Variants in TMEM132B observed in about 807,000 individuals in gnomAD.
TMEM132B encodes transmembrane protein 132B.
In TMEM132B, 18 loss-of-function variants were observed where a neutral mutation model predicts 90.8. The ratio of observed to expected loss-of-function variants is 0.20; its 90% CI spans 0.14 to 0.29. TMEM132B has a LOEUF of 0.29. Among genes scored for constraint, TMEM132B ranks in the 10% least tolerant of loss-of-function variants. The pLI is 1.00. For synonymous variants in TMEM132B, 504 were observed against 523.3 expected (o/e 0.96, Z 0.50); for missense variants, 1,096 against 1,326.8 (o/e 0.83, Z 2.70).
intron 3 of TMEM132B, among the ~76,000 whole-genome samples, chr12:125,513,085 C>A (rs1005658783): frequency 3.3e-5 from 5 of 152,222 alleles, no homozygotes; most frequent in Non-Finnish European, 5.9e-5. Flanking sequence ...AGCCCAGCCT[C>A]CCCGGGAGCC....
At chr12:125,426,931 C>T (rs1353716879) in intron 3 of TMEM132B, among the ~76,000 whole-genome samples, 6 of 152,084 alleles carry the variant, frequency 3.9e-5, no homozygotes, top group Non-Finnish European at 8.8e-5. Context: ...CAATGGGTTC[C>T]GTATGGAGAG....
chr12:125,360,278 T>C (rs1877918943), intron 2 of TMEM132B, among the ~76,000 whole-genome samples: 1 of 152,124 alleles, frequency 6.6e-6, no homozygotes, highest in African/African-American at 2.4e-5. Flanking sequence ...CCCCAAACCT[T>C]GATGTAATTT....
chr12:125,645,770 G>A (rs534168624), intron 6 of TMEM132B, among the ~76,000 whole-genome samples: 44 of 152,254 alleles, frequency 2.9e-4, no homozygotes, highest in Non-Finnish European at 4.4e-4. Context: ...TGTTGGTGTG[G>A]GCATTGCTTT....
At chr12:125,637,701 A>C (rs1312507611) in intron 5 of TMEM132B, among the ~76,000 whole-genome samples, 1 of 152,196 alleles carries the variant, frequency 6.6e-6, no homozygotes, top group Non-Finnish European at 1.5e-5. Context: ...CACTGACACA[A>C]GTAACAATAA....
rs148829351 is a variant in TMEM132B at position 125,519,554 on chromosome 12, A to G, written c.1222A>G (p.Met408Val). ...GGTGGAGTACCCGATTGAGGACTCCATGAGTGAGCTGGTCGTCTCCGAGAT... is the reference window on the plus strand; with the variant it reads ...GGTGGAGTACCCGATTGAGGACTCCGTGAGTGAGCTGGTCGTCTCCGAGAT... The part of the protein sequence containing the change: ...WQVEYPIEDS[M>V]SELVVSEIFV... The change falls in exon 4 of 9, where the codon ATG (methionine) becomes GTG (valine). Residue 408 changes from methionine (M) to valine (V), a missense_variant. Met to Val is a conservative substitution (Grantham distance 21). Coordinates refer to ENST00000682704, the MANE Select transcript of TMEM132B (RefSeq NM_001366854.1). The G allele has an allele frequency of 1.2e-6, 2 of 1,614,050 alleles. No homozygotes were observed. Among genetic ancestry groups the G allele is most frequent in the East Asian group, 2.2e-5 (1 of 44,884 alleles).
chr12:125,390,902 G>A (rs533424158), intron 2 of TMEM132B, among the ~76,000 whole-genome samples: 2 of 152,260 alleles, frequency 1.3e-5, no homozygotes, highest in South Asian at 4.1e-4. Context: ...ATTGTTTTGG[G>A]GTAGCTAGGG....
intron 3 of TMEM132B, among the ~76,000 whole-genome samples, chr12:125,440,913 T>C (rs987571496): frequency 5.3e-5 from 8 of 152,212 alleles, no homozygotes; most frequent in African/African-American, 1.9e-4. Flanking sequence ...CTATGCTCTC[T>C]CGTTTCCCAC....
intron 4 of TMEM132B, among the ~76,000 whole-genome samples, chr12:125,566,326 T>C (rs1410718354): frequency 1.3e-5 from 2 of 152,254 alleles, no homozygotes; most frequent in Non-Finnish European, 2.9e-5. Context: ...TTTCTTATTC[T>C]GTTTCCTGTA....
intron 1 of TMEM132B, among the ~76,000 whole-genome samples, chr12:125,288,759 CCACT>C (rs1447429833): frequency 6.6e-6 from 1 of 152,134 alleles, no homozygotes; most frequent in Non-Finnish European, 1.5e-5. Flanking sequence ...GATGCCGGTA[CCACT>C]CACTCCCCAA....
chr12:125,601,316 A>G (rs1885566006), intron 5 of TMEM132B, among the ~76,000 whole-genome samples: 1 of 152,232 alleles, frequency 6.6e-6, no homozygotes, highest in South Asian at 2.1e-4. Context: ...AACTCACTCA[A>G]AACCACACAC....
At position 125,654,152 on chromosome 12, in the gene TMEM132B, G is replaced by A. The variant is rs1219257086; in HGVS notation, c.2694G>A (p.Gly898=). The A allele has an allele frequency of 3.7e-6, 6 of 1,614,228 alleles. 1 individual carries two copies. In the Admixed American group the frequency reaches 6.7e-5, roughly 18 times the overall value. The stretch of plus-strand genomic sequence containing the variant: ...GTGACCTCACAGTGACCTCAAGGGG[G>A]CTAACGGACTTGGAGATTGGCATGT... ...NPSDLTVTSR[G]LTDLEIGMYA... The change falls in exon 9 of 9, where the codon GGG becomes GGA. Residue 898 remains glycine, a synonymous_variant. Coordinates refer to ENST00000682704, the MANE Select transcript of TMEM132B (RefSeq NM_001366854.1). This position sits in a 1 kb window ranked among gnomAD's most constrained non-coding sequence, Gnocchi z 5.8.
intron 3 of TMEM132B, among the ~76,000 whole-genome samples, chr12:125,417,823 C>T (rs1880058958): frequency 6.6e-6 from 1 of 152,194 alleles, no homozygotes. Flanking sequence ...GCACACGTCC[C>T]AGTGCTGGTC....
intron 3 of TMEM132B, among the ~76,000 whole-genome samples, chr12:125,481,190 C>A (rs1000891939): frequency 1.3e-5 from 2 of 152,202 alleles, no homozygotes; most frequent in Non-Finnish European, 2.9e-5. Flanking sequence ...CCTTTGAAAA[C>A]TGGCACAAGA....
intron 2 of TMEM132B, among the ~76,000 whole-genome samples, chr12:125,414,620 C>T (rs1009247020): frequency 3.9e-5 from 6 of 152,082 alleles, no homozygotes; most frequent in African/African-American, 9.7e-5. Flanking sequence ...AGCATTAGTT[C>T]GCAGCATTAG....
chr12:125,647,787 T>C (rs913484409), intron 6 of TMEM132B, among the ~76,000 whole-genome samples: 1 of 152,118 alleles, frequency 6.6e-6, no homozygotes, highest in African/African-American at 2.4e-5. Flanking sequence ...GGATAGACTT[T>C]CCTTCGCATC....
chr12:125,637,225 CAG>C (rs1364994645), intron 5 of TMEM132B, among the ~76,000 whole-genome samples: 1 of 152,132 alleles, frequency 6.6e-6, no homozygotes, highest in Non-Finnish European at 1.5e-5. Context: ...CGATTTTTAT[CAG>C]AGAATAATCC....
intron 5 of TMEM132B, among the ~76,000 whole-genome samples, chr12:125,593,635 G>A (rs1885371597): frequency 6.6e-6 from 1 of 152,098 alleles, no homozygotes; most frequent in African/African-American, 2.4e-5. Flanking sequence ...TACTTATTTT[G>A]TGTTAACTAG....
chr12:125,189,925 A>G (rs980685289), intron 1 of TMEM132B, among the ~76,000 whole-genome samples: 1 of 152,102 alleles, frequency 6.6e-6, no homozygotes, highest in Non-Finnish European at 1.5e-5. Context: ...CTCAATTTGA[A>G]TGGGGATGGA....
At chr12:125,617,721 A>G (rs1283263843) in intron 5 of TMEM132B, among the ~76,000 whole-genome samples, 4 of 151,888 alleles carry the variant, frequency 2.6e-5, no homozygotes, top group Admixed American at 6.6e-5. Context: ...AGGCTCCACT[A>G]CTTTCCAGCT....
Sources: allele counts gnomAD v4.1 joint callset (sites outside exome capture counted in the v4.1 genomes callset), GRCh38; gene constraint gnomAD v4.1.1; non-coding constraint Gnocchi (gnomAD v3.1); transcripts MANE v1.5; gene names NCBI Gene and HGNC (gene_info 2026-07-23, HGNC 2026-07-21).